The following HYCC1 variants were observed in gnomAD, a reference collection of about 807,000 sequenced individuals.
HYCC1 encodes hyccin.
the HYCC1 span, among the ~76,000 whole-genome samples, chr7:22,901,638 G>A: frequency 2.0e-5 from 3 of 152,106 alleles, no homozygotes; most frequent in African/African-American, 7.2e-5. Context: ...AGGATATATT[G>A]ATATCAGATT....
the HYCC1 span, among the ~76,000 whole-genome samples, chr7:22,966,087 GA>G: frequency 3.3e-3 from 506 of 151,586 alleles, 2 homozygotes; most frequent in African/African-American, 0.01. Flanking sequence ...AAATGACAGG[GA>G]AAAAAAACTG....
chr7:22,991,790 A>G, the HYCC1 span, among the ~76,000 whole-genome samples: 2 of 152,116 alleles, frequency 1.3e-5, no homozygotes, highest in African/African-American at 4.8e-5. Context: ...TTCTTTACCT[A>G]TCCATTTGTA....
chr7:22,907,771 G>A, the HYCC1 span, among the ~76,000 whole-genome samples: 2 of 152,130 alleles, frequency 1.3e-5, no homozygotes, highest in Non-Finnish European at 2.9e-5. Flanking sequence ...AGTTAGCTGG[G>A]CGTGGTGGCG....
At chr7:22,901,844 A>G in the HYCC1 span, among the ~76,000 whole-genome samples, 2 of 152,216 alleles carry the variant, frequency 1.3e-5, no homozygotes, top group Non-Finnish European at 2.9e-5. Flanking sequence ...AAATATTTTA[A>G]TATACTTCTT....
At chr7:23,005,035 G>A in the HYCC1 span, among the ~76,000 whole-genome samples, 1 of 152,130 alleles carries the variant, frequency 6.6e-6, no homozygotes, top group African/African-American at 2.4e-5. Context: ...TCGATCTCCT[G>A]ACCTCGCGAT....
chr7:22,929,969 T>C, the HYCC1 span, among the ~76,000 whole-genome samples: 1 of 151,908 alleles, frequency 6.6e-6, no homozygotes, highest in Non-Finnish European at 1.5e-5. Context: ...TAGACTGGAT[T>C]AAGAAAATGT....
At chr7:22,946,115 A>G in the HYCC1 span, 11 of 1,613,162 alleles carry the variant, frequency 6.8e-6, no homozygotes, top group South Asian at 7.7e-5. Flanking sequence ...TCCCTCGTCA[A>G]CTTCAGATAT....
chr7:23,008,282 G>A, the HYCC1 span, among the ~76,000 whole-genome samples: 2 of 152,068 alleles, frequency 1.3e-5, no homozygotes, highest in South Asian at 2.1e-4. Context: ...ATAATTTTAA[G>A]AGTTCCATTC....
At chr7:22,929,326 T>TC in the HYCC1 span, among the ~76,000 whole-genome samples, 1 of 151,864 alleles carries the variant, frequency 6.6e-6, no homozygotes, top group South Asian at 2.1e-4. Context: ...GCAACAAAAG[T>TC]GAAAATTGAC....
chr7:22,905,590 T>C, the HYCC1 span, among the ~76,000 whole-genome samples: 1 of 151,850 alleles, frequency 6.6e-6, no homozygotes, highest in Non-Finnish European at 1.5e-5. Context: ...CATAAGGATT[T>C]AATAATATAA....
the HYCC1 span, chr7:22,936,372 T>C: frequency 6.6e-6 from 1 of 152,364 alleles, no homozygotes; most frequent in African/African-American, 2.4e-5. Flanking sequence ...GCCTGTATTG[T>C]TGAAGTTCCT....
the HYCC1 span, chr7:22,939,525 T>A: frequency 6.6e-6 from 1 of 152,230 alleles, no homozygotes; most frequent in African/African-American, 2.4e-5. Context: ...ATAACGAGCA[T>A]TGTTTGACCA....
the HYCC1 span, among the ~76,000 whole-genome samples, chr7:22,919,015 G>A: frequency 1.3e-5 from 2 of 152,136 alleles, no homozygotes; most frequent in Admixed American, 6.5e-5. Context: ...CAGAGAGGGA[G>A]AGAAAAATCC....
chr7:22,976,272 G>T, the HYCC1 span: 13 of 1,612,914 alleles, frequency 8.1e-6, no homozygotes, highest in Non-Finnish European at 1.0e-5. Context: ...AGGCAGCATT[G>T]TAACACAACA....
At chr7:22,983,710 C>T in the HYCC1 span, 13 of 490,914 alleles carry the variant, frequency 2.6e-5, no homozygotes, top group Middle Eastern at 5.5e-4. Context: ...GTGACATAGA[C>T]TTTTCAAAGC....
At chr7:22,905,175 C>T in the HYCC1 span, among the ~76,000 whole-genome samples, 1 of 152,064 alleles carries the variant, frequency 6.6e-6, no homozygotes, top group African/African-American at 2.4e-5. Context: ...CCACCAGGCC[C>T]ACCTCCAACA....
At chr7:22,910,512 C>T in the HYCC1 span, among the ~76,000 whole-genome samples, 2 of 152,166 alleles carry the variant, frequency 1.3e-5, no homozygotes, top group African/African-American at 4.8e-5. Context: ...GCAAAACAGA[C>T]TAATACATAC....
At chr7:22,997,072 A>G in the HYCC1 span, among the ~76,000 whole-genome samples, 11,131 of 152,184 alleles carry the variant, frequency 0.073, 863 homozygotes, top group African/African-American at 0.19. Context: ...CTAGCCCAAT[A>G]AGTCTGTATA....
chr7:22,966,420 T>C, the HYCC1 span, among the ~76,000 whole-genome samples: 4 of 152,208 alleles, frequency 2.6e-5, no homozygotes, highest in Non-Finnish European at 5.9e-5. Flanking sequence ...GCCTCCCAAG[T>C]ATCTGGGACT....
Sources: allele counts gnomAD v4.1 joint callset (sites outside exome capture counted in the v4.1 genomes callset), GRCh38; gene constraint gnomAD v4.1.1; transcripts MANE v1.5; gene names NCBI Gene and HGNC (gene_info 2026-07-23, HGNC 2026-07-21).